Variants in AKT2 observed in about 807,000 individuals in gnomAD.
AKT2 encodes the protein RAC-beta serine/threonine-protein kinase.
AKT2 carries 16 observed loss-of-function variants against 58.6 expected under a neutral mutation model. The observed-to-expected ratio is 0.27, with a 90% CI of 0.18 to 0.41. AKT2 has a LOEUF of 0.41. Among genes scored for constraint, AKT2 ranks in the 10% least tolerant of loss-of-function variants. The probability of loss-of-function intolerance (pLI) is 1.00; values close to 1 mark genes in which losing one functional copy is unlikely to be tolerated. For missense variants in AKT2, 438 were observed against 661.0 expected (o/e 0.66, Z 3.70); for synonymous variants, 253 against 254.0 (o/e 1.00, Z 0.04).
chr19:40,254,065 G>C (rs536494669), intron 4 of AKT2, among the ~76,000 whole-genome samples: 15 of 151,988 alleles, frequency 9.9e-5, no homozygotes, highest in Non-Finnish European at 1.8e-4. Context: ...TTAACTGGGG[G>C]GCAGGGAGGT....
intron 4 of AKT2, among the ~76,000 whole-genome samples, chr19:40,251,046 A>C (rs1975120219): frequency 6.6e-6 from 1 of 152,006 alleles, no homozygotes; most frequent in Non-Finnish European, 1.5e-5. Flanking sequence ...CCACAAAAAA[A>C]TTTAAAAATT....
At chr19:40,264,420 CACG>C (rs1237831257) in intron 2 of AKT2, among the ~76,000 whole-genome samples, 1 of 152,192 alleles carries the variant, frequency 6.6e-6, no homozygotes. Flanking sequence ...CGCATCGGCT[CACG>C]ACATCACAGG....
In AKT2 at chr19:40,242,486, G is replaced by A. The variant is rs780179647; in HGVS notation, c.441+48C>T. 6.8e-6 allele frequency: 11 copies of A among 1,610,782 alleles called. No individual in the cohort carries two copies. The highest frequency in any genetic ancestry group is 6.6e-5 in the South Asian group (6 of 91,080). ...CAAGGAGAGCAGGCCAGCACTGGGGGTGGGGGCACCGCAGGCTGGCAGCCC... is the reference window on the plus strand; with the variant it reads ...CAAGGAGAGCAGGCCAGCACTGGGGATGGGGGCACCGCAGGCTGGCAGCCC... On this transcript the variant is annotated intron_variant, in intron 5 of 13. Transcript: ENST00000392038. The surrounding 1 kb of genome is among the most constrained non-coding windows in gnomAD (Gnocchi z 4.3).
intron 1 of AKT2, chr19:40,265,615 G>C: frequency 7.0e-6 from 3 of 427,776 alleles, no homozygotes; most frequent in Non-Finnish European, 1.3e-5. Flanking sequence ...CCCATGCTGG[G>C]GGGAGGTGGC....
intron 4 of AKT2, among the ~76,000 whole-genome samples, chr19:40,254,058 A>AC: frequency 6.6e-6 from 1 of 152,014 alleles, no homozygotes; most frequent in East Asian, 1.9e-4. Context: ...ACAGTGATTA[A>AC]CTGGGGGGCA....
chr19:40,237,637 T>C lies in AKT2; in HGVS notation c.831+332A>G. Reference sequence around the variant, plus strand: ...TCAACAGAGTAAGACTCCTCAAAAATAAATAAATAAATAAATACAAATAAA... The same window carrying C: ...TCAACAGAGTAAGACTCCTCAAAAACAAATAAATAAATAAATACAAATAAA... On this transcript the variant is annotated intron_variant, in intron 9 of 13. Coordinates refer to ENST00000392038, the MANE Select transcript of AKT2 (RefSeq NM_001626.6). This position sits in a 1 kb window ranked among gnomAD's most constrained non-coding sequence, Gnocchi z 4.5. 1 of 289,116 alleles carries C rather than the reference T, an allele frequency of 3.5e-6. No individual in the cohort carries two copies. The highest frequency in any genetic ancestry group is 3.4e-5 in the South Asian group (1 of 29,600). The allele number at this position is 289,116 out of a possible 1,614,324, so 17.9% of individuals were successfully genotyped here. A position where few individuals can be genotyped will look rare whatever the true frequency, so the allele number is the denominator to read the frequency against.
At chr19:40,254,444 C>T (rs1340114599) in intron 4 of AKT2, among the ~76,000 whole-genome samples, 1 of 151,682 alleles carries the variant, frequency 6.6e-6, no homozygotes, top group East Asian at 1.9e-4. Context: ...AGGAGAATCA[C>T]TTGAACCCGG....
rs556108932 is a variant in AKT2, at chr19:40,253,868, A to G, written c.287+1290T>C. On this transcript the variant is annotated intron_variant, in intron 4 of 13. Coordinates refer to ENST00000392038, the MANE Select transcript of AKT2 (RefSeq NM_001626.6). ...CGCATGTCCAACTGTCCAAAAAAAA[A>G]AGCAAAACATGAAACAAAGCAGCTG... 8.5e-5 allele frequency among the ~76,000 whole-genome samples: 13 copies of G among 152,234 alleles called. No individual in the cohort carries two copies. The South Asian group carries it at 2.7e-3, about 32-fold the overall frequency.
chr19:40,263,922 C>T (rs957932749), intron 2 of AKT2, among the ~76,000 whole-genome samples: 1 of 152,208 alleles, frequency 6.6e-6, no homozygotes. Flanking sequence ...CCCTTCTCAG[C>T]GAAGCCCCCT....
chr19:40,262,992 A>T (rs936239878), intron 2 of AKT2, among the ~76,000 whole-genome samples: 2 of 152,194 alleles, frequency 1.3e-5, no homozygotes, highest in Admixed American at 1.3e-4. Flanking sequence ...GGTGTGCACA[A>T]GCGTGTGTGT....
intron 1 of AKT2, 150 bp from the exon 2 acceptor site, chr19:40,265,501 G>C: frequency 9.6e-7 from 1 of 1,043,418 alleles, no homozygotes; most frequent in Admixed American, 2.6e-5. Flanking sequence ...CGCTCTCAAG[G>C]ACCCATTCTG....
At chr19:40,244,579 G>C (rs1005975566) in intron 4 of AKT2, among the ~76,000 whole-genome samples, 4 of 152,038 alleles carry the variant, frequency 2.6e-5, no homozygotes, top group Non-Finnish European at 4.4e-5. Flanking sequence ...TCAACCCAAC[G>C]CATTTTGAAC....
At chr19:40,266,188 C>A (rs996158544) in intron 1 of AKT2, 2 of 152,370 alleles carry the variant, frequency 1.3e-5, no homozygotes, top group Non-Finnish European at 2.9e-5. Flanking sequence ...CGCGAGGCAG[C>A]GCCAGCTGGG....
Position 40,242,008 on chromosome 19 carries a change from A to C in AKT2, c.503T>G (p.Leu168Arg), listed in dbSNP as rs747313418. The change falls in exon 6 of 14, where the codon CTG becomes CGG. Residue 168 changes from leucine to arginine, a missense_variant. Leu to Arg is a moderately radical substitution (Grantham distance 102, BLOSUM62 -2). Around this residue, in one of 3 missense-constraint regions of AKT2, gnomAD observed 244 missense variants for 347.1 expected, o/e 0.70. Transcript: ENST00000392038. The surrounding 1 kb of genome is among the most constrained non-coding windows in gnomAD (Gnocchi z 4.3). ...GCGGCCAGTGGCCTTCTCCCGCACC[A>C]GGATGACTTTGCCAAAGGTTCCCTT... ...LGKGTFGKVILVREKATGRYY... is the reference protein window; with the variant it reads ...LGKGTFGKVIRVREKATGRYY... 1 of 1,614,260 alleles carries C rather than the reference A, an allele frequency of 6.2e-7. No individual in the cohort carries two copies. The highest frequency in any genetic ancestry group is 8.5e-7 in the Non-Finnish European group (1 of 1,180,042).
Position 40,230,667 on chromosome 19 carries a change from T to C in AKT2, c.*3205A>G. 1 of 223,476 alleles carries C rather than the reference T, an allele frequency of 4.5e-6. No individual in the cohort carries two copies. Among genetic ancestry groups the C allele is most frequent in the Non-Finnish European group, 8.9e-6 (1 of 111,920 alleles). The allele number at this position is 223,476 out of a possible 1,614,324, so 13.8% of individuals were successfully genotyped here. On this transcript the variant is annotated 3_prime_UTR_variant, in exon 14 of 14. Transcript: ENST00000392038. ...AAGGCCCTGCGACCTCGGGTGAATT[T>C]CCTTTCTTATACTCCTGCTTTGCTG...
chr19:40,249,983 C>T (rs564895161), intron 4 of AKT2, among the ~76,000 whole-genome samples: 4 of 152,272 alleles, frequency 2.6e-5, no homozygotes, highest in Non-Finnish European at 4.4e-5. Flanking sequence ...AGGCCTTAGA[C>T]AAACGCGACA....
At chr19:40,282,289 C>T (rs2077437007) in intron 1 of AKT2, 2 of 343,248 alleles carry the variant, frequency 5.8e-6, no homozygotes, top group East Asian at 8.3e-5. Context: ...CCAAGGTGGA[C>T]GTCCTTCTGA....
chr19:40,274,374 A>C (rs538925538), intron 1 of AKT2: 3 of 153,422 alleles, frequency 2.0e-5, no homozygotes, highest in Non-Finnish European at 2.9e-5. Context: ...TCCTGCATTC[A>C]TTCATTCCAC....
Position 40,236,008 on chromosome 19 carries a change from G to A in AKT2, c.1057C>T (p.Gln353Ter). 1 of 1,614,124 alleles carries A rather than the reference G, an allele frequency of 6.2e-7. No individual in the cohort carries two copies. Among genetic ancestry groups the A allele is most frequent in the Non-Finnish European group, 8.5e-7 (1 of 1,180,020 alleles). The change falls in exon 11 of 14, where the codon CAG becomes TAG. Residue 353 changes from glutamine to a stop codon, truncating the protein, a stop_gained. Coordinates refer to ENST00000392038, the MANE Select transcript of AKT2 (RefSeq NM_001626.6). LOFTEE classifies it high-confidence loss of function. ...MMCGRLPFYN[Q>*]DHERLFELIL... ...AGCTCGAAGAGGCGCTCGTGGTCCT[G>A]GTTGTAGAAGGGCAGGCGGCCGCAC...
Sources: allele counts gnomAD v4.1 joint callset (sites outside exome capture counted in the v4.1 genomes callset), GRCh38; gene constraint gnomAD v4.1.1; regional missense constraint gnomAD v4.1.1; non-coding constraint Gnocchi (gnomAD v3.1); transcripts MANE v1.5; gene names NCBI Gene and HGNC (gene_info 2026-07-23, HGNC 2026-07-21).